Variants in TRPM1 observed in about 807,000 individuals in gnomAD.
The protein encoded by TRPM1 is TRPM1-203 APA Isoform, Intron 10.
Under a neutral mutation model 149.4 loss-of-function variants are expected in TRPM1, and 113 were observed. The ratio of observed to expected loss-of-function variants is 0.76; its 90% confidence interval spans 0.65 to 0.88. The LOEUF is 0.88. TRPM1 is among the 40% of genes least tolerant of loss of function. The pLI, the probability that TRPM1 is intolerant of heterozygous loss-of-function variation, is 0.00. For synonymous variants in TRPM1, 741 were observed against 759.5 expected (o/e 0.98, Z 0.40); for missense variants, 1,976 against 2,038.7 (o/e 0.97, Z 0.59).
chr15:31,072,127 A>G (rs1196114720), intron 3 of TRPM1, among the ~76,000 whole-genome samples: 5 of 151,558 alleles, frequency 3.3e-5, no homozygotes, highest in Admixed American at 6.6e-5. Flanking sequence ...ATCACCTCAA[A>G]AAGAAACTTG....
At position 31,026,281 on chromosome 15, in the gene TRPM1, G is replaced by A. The variant is rs1209993142; in HGVS notation, c.3497-10C>T. ...TCGCTAAGGAAGAGCTCTGTGTGAAGGGAGAAGTGTCGGCCACGTGAAAAA... is the reference window on the plus strand; with the variant it reads ...TCGCTAAGGAAGAGCTCTGTGTGAAAGGAGAAGTGTCGGCCACGTGAAAAA... On this transcript the variant is annotated splice_polypyrimidine_tract_variant and intron_variant, in intron 26 of 27. Transcript: ENST00000256552. The A allele has an allele frequency of 1.2e-5, 19 of 1,609,444 alleles. No homozygotes were observed. The Middle Eastern group carries it at 1.3e-3, about 112-fold the overall frequency.
chr15:31,088,561 C>A (rs565680615), intron 1 of TRPM1, among the ~76,000 whole-genome samples: 4 of 152,158 alleles, frequency 2.6e-5, no homozygotes, highest in Admixed American at 2.6e-4. Flanking sequence ...CAAAAGTCTG[C>A]GGCTTCACTG....
At position 31,062,591 on chromosome 15, in the gene TRPM1, C is replaced by A. The variant is rs370817973; in HGVS notation, c.1077G>T (p.Lys359Asn). The A allele has an allele frequency of 3.1e-6, 5 of 1,614,024 alleles. No homozygotes were observed. The highest frequency in any genetic ancestry group is 1.6e-4 in the Middle Eastern group (1 of 6,084). Reference protein sequence around the residue: ...QLFAIIMECMKKKELVTVFRM... With the variant: ...QLFAIIMECMNKKELVTVFRM... Reference sequence around the variant, plus strand: ...TCAAGACACTTACGAGTTCTTTCTTCTTCATGCACTCCATTATAATTGCAA... The same window carrying A: ...TCAAGACACTTACGAGTTCTTTCTTATTCATGCACTCCATTATAATTGCAA... Residue 359 changes from lysine (K) to asparagine (N), a missense_variant, in exon 9 of 28, where the codon AAG becomes AAT. Lys to Asn is a moderately conservative substitution (Grantham distance 94). Transcript: ENST00000256552.
chr15:31,032,702 A>G lies in TRPM1; in HGVS notation c.2939T>C (p.Met980Thr), dbSNP rs771694690. The stretch of plus-strand genomic sequence containing the variant: ...GCCACTACTAACCATCTTTCCAATC[A>G]TCATCACGTATGGCCCCAGATACTT... Reference protein sequence around the residue: ...VNKYLGPYVMMIGKMMIDMLY... With the variant: ...VNKYLGPYVMTIGKMMIDMLY... The change falls in exon 22 of 28, where the codon ATG becomes ACG. Residue 980 changes from methionine (M) to threonine (T), a missense_variant. Transcript: ENST00000256552. The G allele has an allele frequency of 8.1e-6, 13 of 1,614,076 alleles. No individual in the cohort carries two copies. Among genetic ancestry groups the G allele is most frequent in the Admixed American group, 1.7e-5 (1 of 60,006 alleles).
intron 1 of TRPM1, among the ~76,000 whole-genome samples, chr15:31,149,523 TC>T (rs1378762283): frequency 6.5e-5 from 7 of 107,382 alleles, no homozygotes; most frequent in Non-Finnish European, 9.9e-5. Flanking sequence ...CATCTCTCTC[TC>T]TCTTTTTTTT....
chr15:31,041,041 T>C (rs1439030640), intron 17 of TRPM1, among the ~76,000 whole-genome samples: 2 of 152,072 alleles, frequency 1.3e-5, no homozygotes, highest in South Asian at 4.1e-4. Flanking sequence ...GTGATAGAAG[T>C]TGGGGGGCAT....
chr15:31,089,232 A>C (rs146340827), intron 1 of TRPM1, among the ~76,000 whole-genome samples: 178 of 152,312 alleles, frequency 1.2e-3, no homozygotes, highest in African/African-American at 4.1e-3. Flanking sequence ...CCATGTGGCC[A>C]GCGTGTCCCC....
At chr15:31,077,237 G>T (rs530616769) in intron 2 of TRPM1, among the ~76,000 whole-genome samples, 1 of 152,188 alleles carries the variant, frequency 6.6e-6, no homozygotes, top group South Asian at 2.1e-4. Context: ...TATTTTTTGT[G>T]CACGGTTCTG....
At chr15:31,005,522 C>T (rs1285173992) in intron 27 of TRPM1, among the ~76,000 whole-genome samples, 2 of 151,990 alleles carry the variant, frequency 1.3e-5, no homozygotes, top group African/African-American at 2.4e-5. Context: ...TCTCAAATCT[C>T]CCATCCCTAC....
At chr15:31,036,671 G>C (rs1196526561) in intron 20 of TRPM1, among the ~76,000 whole-genome samples, 1 of 152,192 alleles carries the variant, frequency 6.6e-6, no homozygotes, top group Non-Finnish European at 1.5e-5. Context: ...TGGCTTCCTG[G>C]CCCCATCTCC....
intron 1 of TRPM1, among the ~76,000 whole-genome samples, chr15:31,087,475 C>G (rs1024102764): frequency 3.3e-5 from 5 of 151,906 alleles, no homozygotes; most frequent in South Asian, 2.1e-4. Flanking sequence ...AGGATGGTCT[C>G]AATCTCCTGA....
At chr15:31,150,433 CTTTT>C (rs35862690) in intron 1 of TRPM1, among the ~76,000 whole-genome samples, 7 of 110,868 alleles carry the variant, frequency 6.3e-5, no homozygotes, top group African/African-American at 1.4e-4. Flanking sequence ...TTTTCTTTTC[CTTTT>C]TTTTTTTTTT....
In TRPM1 at chr15:31,091,048, T is replaced by TA. The variant is rs1200961958; in HGVS notation, c.-83-9611dup. Among the ~76,000 whole-genome samples, 12 of 152,220 alleles carry TA rather than the reference T, an allele frequency of 7.9e-5. 1 individual carries two copies. Among genetic ancestry groups the TA allele is most frequent in the Non-Finnish European group, 1.2e-4 (8 of 68,002 alleles). ...TTGAAGTTTCTTAAGCATTAGCTGA[T>TA]AAAAAAAAGTGCAACGAGGGTAATA... On this transcript the variant is annotated intron_variant, in intron 1 of 27. Transcript: ENST00000256552.
Position 31,026,229 on chromosome 15 carries a change from A to G in TRPM1, c.3539T>C (p.Phe1180Ser), listed in dbSNP as rs763833103. ...SDEELKRLHEFEEQCVQEHFR... is the reference protein window; with the variant it reads ...SDEELKRLHESEEQCVQEHFR... ...GTGCTCCTGCACGCACTGCTCCTCG[A>G]ACTCATGCAGCCTCTTTAGCTCCTC... Residue 1180 changes from phenylalanine to serine, a missense_variant, in exon 27 of 28, where the codon TTC becomes TCC. Physicochemically the swap from Phe to Ser is radical, Grantham distance 155. This residue lies in a region of TRPM1 where 572 missense variants were observed against 578.9 expected (regional missense o/e 0.99). Coordinates refer to ENST00000256552, the MANE Select transcript of TRPM1 (RefSeq NM_001252024.2). The G allele has an allele frequency of 6.2e-7, 1 of 1,612,476 alleles. No individual in the cohort carries two copies. The highest frequency in any genetic ancestry group is 8.5e-7 in the Non-Finnish European group (1 of 1,180,024).
intron 1 of TRPM1, among the ~76,000 whole-genome samples, chr15:31,132,563 A>G (rs1006695553): frequency 6.6e-6 from 1 of 152,346 alleles, no homozygotes; most frequent in South Asian, 2.1e-4. Flanking sequence ...GGCATGTAAG[A>G]CACAAGGAAA....
At chr15:31,129,151 A>G (rs927304504) in intron 1 of TRPM1, among the ~76,000 whole-genome samples, 1 of 152,272 alleles carries the variant, frequency 6.6e-6, no homozygotes, top group South Asian at 2.1e-4. Flanking sequence ...GTGCTGTGTC[A>G]TTTCTCCACT....
At position 31,029,352 on chromosome 15, in the gene TRPM1, C is replaced by G. The variant is rs1048493023; in HGVS notation, c.3148+19G>C. 3 of 1,611,730 alleles carry G rather than the reference C, an allele frequency of 1.9e-6. No homozygotes were observed. Among genetic ancestry groups the G allele is most frequent in the Non-Finnish European group, 2.5e-6 (3 of 1,178,078 alleles). On this transcript the variant is annotated intron_variant, in intron 24 of 27. Transcript: ENST00000256552. ...AACACATTCCATAGACTAGAATAAT[C>G]AATTCCATGTAAACTTACGATTAAT...
chr15:31,090,100 C>A (rs149919916), intron 1 of TRPM1, among the ~76,000 whole-genome samples: 1 of 152,272 alleles, frequency 6.6e-6, no homozygotes, highest in African/African-American at 2.4e-5. Flanking sequence ...CAACCCTAGC[C>A]CCTAGCAGTA....
At chr15:31,084,822 G>A (rs867567649) in intron 1 of TRPM1, among the ~76,000 whole-genome samples, 40 of 146,404 alleles carry the variant, frequency 2.7e-4, no homozygotes, top group South Asian at 1.5e-3. Flanking sequence ...ACAGGCGCCC[G>A]CCACCACGCC....
Sources: gnomAD v4.1 joint callset for allele counts (sites outside exome capture counted in the v4.1 genomes callset) on GRCh38, gnomAD v4.1.1 for gene constraint, gnomAD v4.1.1 regional missense constraint, MANE v1.5 for transcripts, NCBI Gene and HGNC (gene_info 2026-07-23, HGNC 2026-07-21) for gene names.